Variants in MSI2 observed in about 807,000 individuals in gnomAD.
The protein encoded by MSI2 is musashi RNA binding protein 2.
In MSI2, 17 loss-of-function variants were observed where a neutral mutation model predicts 45.6. The ratio of observed to expected loss-of-function variants is 0.37; its 90% CI spans 0.26 to 0.56. MSI2 has a LOEUF of 0.56. Among genes scored for constraint, MSI2 ranks in the 20% least tolerant of loss-of-function variants. The pLI, the probability that MSI2 is intolerant of heterozygous loss-of-function variation, is 0.77. For synonymous variants in MSI2, 156 were observed against 158.2 expected (o/e 0.99, Z 0.11); for missense variants, 293 against 444.2 (o/e 0.66, Z 3.06).
At chr17:57,376,121 T>G (rs1261393186) in intron 5 of MSI2, among the ~76,000 whole-genome samples, 1 of 152,124 alleles carries the variant, frequency 6.6e-6, no homozygotes, top group Non-Finnish European at 1.5e-5. Context: ...ATGTCTGAGA[T>G]AGGAAAATCA....
chr17:57,589,530 C>A (rs1174660182), intron 7 of MSI2, among the ~76,000 whole-genome samples: 1 of 150,888 alleles, frequency 6.6e-6, no homozygotes, highest in Non-Finnish European at 1.5e-5. Flanking sequence ...GACCTAGAAA[C>A]GTTCCGCGTT....
At chr17:57,295,853 G>T (rs148444507) in intron 5 of MSI2, among the ~76,000 whole-genome samples, 1 of 152,126 alleles carries the variant, frequency 6.6e-6, no homozygotes, top group Non-Finnish European at 1.5e-5. Context: ...TTCTGCTCCC[G>T]TCACAAATCT....
At chr17:57,392,502 CAT>C (rs1237040531) in intron 5 of MSI2, among the ~76,000 whole-genome samples, 2 of 152,128 alleles carry the variant, frequency 1.3e-5, no homozygotes, top group African/African-American at 4.8e-5. Flanking sequence ...ATTCCAGCTC[CAT>C]ATAGGCGAGG....
At chr17:57,497,986 C>T (rs1162664665) in intron 6 of MSI2, among the ~76,000 whole-genome samples, 1 of 151,998 alleles carries the variant, frequency 6.6e-6, no homozygotes, top group African/African-American at 2.4e-5. Context: ...TAAATTAGAG[C>T]CAAAAAGGGA....
the MSI2 span, among the ~76,000 whole-genome samples, chr17:57,694,809 T>A: frequency 6.6e-6 from 1 of 152,222 alleles, no homozygotes; most frequent in African/African-American, 2.4e-5. Flanking sequence ...ATAGGTTAAC[T>A]GCAGTCCCAG....
intron 6 of MSI2, among the ~76,000 whole-genome samples, chr17:57,415,547 A>G (rs1019240481): frequency 1.3e-5 from 2 of 152,094 alleles, no homozygotes; most frequent in Non-Finnish European, 2.9e-5. Context: ...ATACAATTTC[A>G]TTTACAATGG....
chr17:57,361,839 C>T (rs1047170797), intron 5 of MSI2, among the ~76,000 whole-genome samples: 5 of 152,154 alleles, frequency 3.3e-5, no homozygotes, highest in Middle Eastern at 6.3e-3. Context: ...TTTGACTGTA[C>T]GTTCTGAGCC....
intron 7 of MSI2, among the ~76,000 whole-genome samples, chr17:57,556,516 T>C (rs796522117): frequency 5.3e-5 from 8 of 152,250 alleles, no homozygotes; most frequent in African/African-American, 1.9e-4. Flanking sequence ...CATCAGTCTT[T>C]GGGGTGGGAG....
intron 5 of MSI2, chr17:57,264,868 C>G (rs1390046262): frequency 6.6e-6 from 1 of 152,212 alleles, no homozygotes; most frequent in Non-Finnish European, 1.5e-5. Flanking sequence ...GGAACCATAG[C>G]CAGAGGCCCA....
the MSI2 span, among the ~76,000 whole-genome samples, chr17:57,695,002 G>T: frequency 6.6e-6 from 1 of 152,152 alleles, no homozygotes; most frequent in Admixed American, 6.5e-5. Context: ...GAAAATCTTC[G>T]GGGAGATAAA....
At chr17:57,409,878 G>A (rs1035387901) in intron 6 of MSI2, among the ~76,000 whole-genome samples, 1 of 151,746 alleles carries the variant, frequency 6.6e-6, no homozygotes, top group Non-Finnish European at 1.5e-5. Context: ...CGTGGTGGTG[G>A]GCACCTGTAA....
At chr17:57,492,812 G>C (rs1437669283) in intron 6 of MSI2, among the ~76,000 whole-genome samples, 1 of 152,156 alleles carries the variant, frequency 6.6e-6, no homozygotes, top group Non-Finnish European at 1.5e-5. Context: ...GGCTAGACTG[G>C]TCTCAAACTC....
At chr17:57,438,786 G>C (rs977303516) in intron 6 of MSI2, among the ~76,000 whole-genome samples, 4 of 151,354 alleles carry the variant, frequency 2.6e-5, no homozygotes, top group African/African-American at 9.7e-5. Flanking sequence ...GAGGGTTGCA[G>C]GTCTCCCATA....
At chr17:57,608,629 G>A (rs1196034312) in intron 8 of MSI2, among the ~76,000 whole-genome samples, 1 of 152,252 alleles carries the variant, frequency 6.6e-6, no homozygotes, top group Non-Finnish European at 1.5e-5. Flanking sequence ...CTAATGCTCT[G>A]CTCTTTGTTG....
intron 6 of MSI2, among the ~76,000 whole-genome samples, chr17:57,447,595 G>A (rs1360651757): frequency 2.0e-5 from 3 of 151,860 alleles, no homozygotes; most frequent in Non-Finnish European, 2.9e-5. Flanking sequence ...TGGGTGGGGG[G>A]GGTGTCTCAG....
chr17:57,321,731 G>A (rs1187733630), intron 5 of MSI2, among the ~76,000 whole-genome samples: 1 of 152,134 alleles, frequency 6.6e-6, no homozygotes, highest in Admixed American at 6.5e-5. Flanking sequence ...TATTTTTTCA[G>A]TCTTGGGAAA....
chr17:57,585,429 G>A (rs2088319718), intron 7 of MSI2, among the ~76,000 whole-genome samples: 2 of 152,212 alleles, frequency 1.3e-5, no homozygotes. Flanking sequence ...TGGATCATTT[G>A]TCTCACAGAG....
intron 7 of MSI2, among the ~76,000 whole-genome samples, chr17:57,578,946 G>C (rs536791863): frequency 1.3e-5 from 2 of 151,966 alleles, no homozygotes; most frequent in African/African-American, 4.8e-5. Context: ...AGTGTGTCTC[G>C]GAAACTTGCT....
chr17:57,512,722 A>AC (rs2086381059), intron 6 of MSI2, among the ~76,000 whole-genome samples: 1 of 152,052 alleles, frequency 6.6e-6, no homozygotes, highest in Admixed American at 6.5e-5. Flanking sequence ...CATGGGCTGG[A>AC]CAGATAGATG....
Sources: gnomAD v4.1 joint callset for allele counts (sites outside exome capture counted in the v4.1 genomes callset) on GRCh38, gnomAD v4.1.1 for gene constraint, MANE v1.5 for transcripts, NCBI Gene and HGNC (gene_info 2026-07-23, HGNC 2026-07-21) for gene names.